Variants in PRKAR1B observed in about 807,000 individuals in gnomAD.
PRKAR1B encodes cAMP-dependent protein kinase type I-beta regulatory subunit.
Under a neutral mutation model 46.5 loss-of-function variants are expected in PRKAR1B, and 22 were observed. The observed-to-expected ratio is 0.47, with a 90% CI of 0.34 to 0.68. The LOEUF is 0.68. Among genes scored for constraint, PRKAR1B ranks in the 30% least tolerant of loss-of-function variants. PRKAR1B has a pLI of 0.01. For missense variants in PRKAR1B, 445 were observed against 535.6 expected (o/e 0.83, Z 1.67); for synonymous variants, 259 against 217.7 (o/e 1.19, Z -1.67).
At chr7:628,243 C>T (rs1783525402) in intron 4 of PRKAR1B, among the ~76,000 whole-genome samples, 1 of 152,266 alleles carries the variant, frequency 6.6e-6, no homozygotes, top group Admixed American at 6.5e-5. Flanking sequence ...GCCTCTGCAT[C>T]CCACAGGCTG....
intron 1 of PRKAR1B, chr7:726,611 G>A: frequency 2.3e-6 from 2 of 854,772 alleles, no homozygotes; most frequent in Non-Finnish European, 3.1e-6. Context: ...CACCGGCGGG[G>A]AGGAAGTAGC....
At chr7:688,807 C>T (rs547227027) in intron 2 of PRKAR1B, among the ~76,000 whole-genome samples, 43 of 152,308 alleles carry the variant, frequency 2.8e-4, no homozygotes, top group African/African-American at 7.7e-4. Flanking sequence ...ACGTATTTTG[C>T]GTCTTAACCA....
Position 606,900 on chromosome 7 carries a change from G to A in PRKAR1B, c.502+491C>T, listed in dbSNP as rs138447670. Among the ~76,000 whole-genome samples, 152 of 151,754 alleles carry A rather than the reference G, an allele frequency of 1.0e-3. 3 individuals carry two copies. Among genetic ancestry groups the A allele is most frequent in the Non-Finnish European group, 5.9e-4 (40 of 67,958 alleles). On this transcript the variant is annotated intron_variant, in intron 5 of 10. Transcript: ENST00000537384. Reference sequence around the variant, plus strand: ...TATACACACACATATGTATATATGTGTACATATATGTATACATGTACACAC... The same window carrying A: ...TATACACACACATATGTATATATGTATACATATATGTATACATGTACACAC...
chr7:653,998 ATCACCATCTCTATCTTCACCACCG>A (rs971024190), intron 4 of PRKAR1B, among the ~76,000 whole-genome samples: 1 of 151,178 alleles, frequency 6.6e-6, no homozygotes, highest in Non-Finnish European at 1.5e-5. Context: ...TGCCGTCTTC[ATCACCATCTCTATCTTCACCACCG>A]TCACCATCAT....
intron 4 of PRKAR1B, among the ~76,000 whole-genome samples, chr7:651,572 G>A (rs572633598): frequency 6.6e-6 from 1 of 151,896 alleles, no homozygotes; most frequent in Non-Finnish European, 1.5e-5. Context: ...TCAGAAGACA[G>A]TTCACACCCA....
chr7:619,639 G>C (rs1048289464), intron 4 of PRKAR1B, among the ~76,000 whole-genome samples: 1 of 152,182 alleles, frequency 6.6e-6, no homozygotes, highest in African/African-American at 2.4e-5. Flanking sequence ...ATGTGTGCCT[G>C]CACCTCCTCT....
intron 1 of PRKAR1B, among the ~76,000 whole-genome samples, chr7:725,521 G>A (rs1348477742): frequency 6.6e-6 from 1 of 152,190 alleles, no homozygotes; most frequent in Admixed American, 6.5e-5. Flanking sequence ...ACACTGTCTT[G>A]CTTTTAATTT....
chr7:604,823 C>T (rs1047252556), intron 6 of PRKAR1B, among the ~76,000 whole-genome samples: 18 of 152,132 alleles, frequency 1.2e-4, no homozygotes, highest in Admixed American at 9.8e-4. Flanking sequence ...CGGAAGAGTG[C>T]GGAGGCCACC....
In PRKAR1B at chr7:598,161, C is replaced by A. The variant is rs190007071; in HGVS notation, c.550-1857G>T. Among the ~76,000 whole-genome samples the A allele has an allele frequency of 1.8e-4, 27 of 151,708 alleles. No individual in the cohort carries two copies. The East Asian group carries it at 5.2e-3, about 29-fold the overall frequency. ...CACTAAACACCATCACCCTCCAGCA[C>A]CCTCCAGACTAAACACCATCACCCT... On this transcript the variant is annotated intron_variant, in intron 6 of 10. Coordinates refer to ENST00000537384, the MANE Select transcript of PRKAR1B (RefSeq NM_001164760.2).
At chr7:561,429 G>A (rs1220412238) in intron 9 of PRKAR1B, among the ~76,000 whole-genome samples, 1 of 152,156 alleles carries the variant, frequency 6.6e-6, no homozygotes, top group Non-Finnish European at 1.5e-5. Context: ...TTTCCACATG[G>A]AAGGCAATTT....
At position 574,447 on chromosome 7, in the gene PRKAR1B, A is replaced by AT. The variant is rs71546451; in HGVS notation, c.891+4808dup. On this transcript the variant is annotated intron_variant, in intron 9 of 10. Transcript: ENST00000537384. ...TTTTAAAGAGAATTAACAGATCCAG[A>AT]TTTTTTTTTTTTTTTGAGACAGGCT... Among the ~76,000 whole-genome samples, 752 of 145,716 alleles carry AT rather than the reference A, an allele frequency of 5.2e-3. 8 individuals are homozygous for AT. Among genetic ancestry groups the AT allele is most frequent in the East Asian group, 0.02 (99 of 4,988 alleles).
At chr7:682,951 C>T (rs1778778575) in intron 2 of PRKAR1B, among the ~76,000 whole-genome samples, 1 of 152,186 alleles carries the variant, frequency 6.6e-6, no homozygotes, top group Admixed American at 6.5e-5. Context: ...CCCGGCCTCA[C>T]CCTGATCCAT....
rs184522831 is a variant in PRKAR1B at position 604,572 on chromosome 7, G to A, written c.549+1621C>T. 6.1e-4 allele frequency among the ~76,000 whole-genome samples: 93 copies of A among 152,350 alleles called. 1 individual carries two copies. Among genetic ancestry groups the A allele is most frequent in the African/African-American group, 1.3e-3 (52 of 41,592 alleles). On this transcript the variant is annotated intron_variant, in intron 6 of 10. Transcript: ENST00000537384. ...CCTGCGCGGGCCAGGCCCGAGGCAC[G>A]TGCCCCCCACGGGGAGGCGGGACCC...
At chr7:720,036 C>T (rs904463876) in intron 1 of PRKAR1B, among the ~76,000 whole-genome samples, 1 of 145,142 alleles carries the variant, frequency 6.9e-6, no homozygotes, top group African/African-American at 2.5e-5. Flanking sequence ...TCAGAGAAGG[C>T]GTTCTGTGCA....
intron 6 of PRKAR1B, among the ~76,000 whole-genome samples, chr7:598,455 T>C (rs12720013): frequency 0.015 from 237 of 16,322 alleles, 5 homozygotes; most frequent in Admixed American, 0.024. Flanking sequence ...CCACACTAAA[T>C]ACCATCACCC....
Position 550,550 on chromosome 7 carries a change from C to A in PRKAR1B, c.1026G>T (p.Arg342=). The A allele has an allele frequency of 6.2e-7, 1 of 1,604,816 alleles. No individual in the cohort carries two copies. The highest frequency in any genetic ancestry group is 2.2e-5 in the East Asian group (1 of 44,650). ...NRPRAATVVA[R]GPLKCVKLDR... Reference sequence around the variant, plus strand: ...CCAGCTTCACACACTTGAGGGGCCCCCGGGCCACGACAGTGGCCGCCCGGG... The same window carrying A: ...CCAGCTTCACACACTTGAGGGGCCCACGGGCCACGACAGTGGCCGCCCGGG... The change falls in exon 11 of 11, where the codon CGG becomes CGT. Residue 342 remains arginine (R), a synonymous_variant. Coordinates refer to ENST00000537384, the MANE Select transcript of PRKAR1B (RefSeq NM_001164760.2).
intron 1 of PRKAR1B, among the ~76,000 whole-genome samples, chr7:711,842 G>C (rs972891688): frequency 6.6e-6 from 1 of 151,834 alleles, no homozygotes; most frequent in East Asian, 2.0e-4. Flanking sequence ...TGGGAAGAGT[G>C]GGGGGGCCCG....
chr7:726,815 G>A, intron 1 of PRKAR1B: 1 of 1,323,088 alleles, frequency 7.6e-7, no homozygotes, highest in Non-Finnish European at 9.6e-7. Context: ...CGCGCCCTGA[G>A]CCGCCTGCTG....
At chr7:614,115 G>A (rs891151262) in intron 4 of PRKAR1B, among the ~76,000 whole-genome samples, 12 of 152,210 alleles carry the variant, frequency 7.9e-5, no homozygotes, top group Non-Finnish European at 1.5e-4. Context: ...TCCACGCCCC[G>A]CACGCCCGAC....
Sources: gnomAD v4.1 joint callset for allele counts (sites outside exome capture counted in the v4.1 genomes callset) on GRCh38, gnomAD v4.1.1 for gene constraint, MANE v1.5 for transcripts, NCBI Gene and HGNC (gene_info 2026-07-23, HGNC 2026-07-21) for gene names.